ULK4: variants seen among roughly 807,000 people sequenced by gnomAD.
ULK4 encodes unc-51 like kinase 4.
Under a neutral mutation model 160.6 loss-of-function variants are expected in ULK4, and 133 were observed. That is an observed-to-expected ratio of 0.83 (90% CI 0.72 to 0.96). The LOEUF (loss-of-function observed/expected upper bound fraction) is 0.96, where lower values mean the gene tolerates loss of function less well. Among genes scored for constraint, ULK4 ranks in the 40% least tolerant of loss-of-function variants. The pLI, the probability that ULK4 is intolerant of heterozygous loss-of-function variation, is 0.00. For synonymous variants in ULK4, 534 were observed against 539.8 expected, an observed-to-expected ratio of 0.99 and a Z score of 0.15; for missense variants, 1,580 against 1,499.5, an observed-to-expected ratio of 1.05 and a Z score of -0.89.
At chr3:41,958,714 CA>C (rs201705820) in intron 1 of ULK4, among the ~76,000 whole-genome samples, 93 of 121,394 alleles carry the variant, frequency 7.7e-4, no homozygotes, top group Admixed American at 7.6e-4. Flanking sequence ...GAAACTGTCT[CA>C]AAAAAAAAAA....
At chr3:41,651,877 C>A (rs1301220625) in intron 30 of ULK4, among the ~76,000 whole-genome samples, 2 of 152,186 alleles carry the variant, frequency 1.3e-5, no homozygotes, top group Non-Finnish European at 2.9e-5. Flanking sequence ...CATAAGCATG[C>A]ACTGAGTGAC....
chr3:41,773,662 A>C (rs2039492854), intron 21 of ULK4, among the ~76,000 whole-genome samples: 1 of 152,190 alleles, frequency 6.6e-6, no homozygotes, highest in Non-Finnish European at 1.5e-5. Flanking sequence ...TAATTTATAA[A>C]TTCAATGCCA....
At chr3:41,680,323 ATTAAT>A (rs1170257404) in intron 29 of ULK4, among the ~76,000 whole-genome samples, 2 of 152,330 alleles carry the variant, frequency 1.3e-5, no homozygotes, top group Non-Finnish European at 2.9e-5. Context: ...TACAGTACAT[ATTAAT>A]TATCAGAGCT....
At chr3:41,473,750 T>TA (rs924452036) in intron 32 of ULK4, among the ~76,000 whole-genome samples, 24 of 149,868 alleles carry the variant, frequency 1.6e-4, no homozygotes, top group Non-Finnish European at 1.6e-4. Context: ...ACAATAGTTG[T>TA]AAAAAAATAC....
rs548140772 is a variant in ULK4, at chr3:41,658,646, T to A, written c.3071+4961A>T. ...AGGAGTGGCACAGATAGTATATGAA[T>A]TACATTTCAATAAAACTGTTAATTT... On this transcript the variant is annotated intron_variant, in intron 30 of 36. Coordinates refer to ENST00000301831, the MANE Select transcript of ULK4 (RefSeq NM_017886.4). Among the ~76,000 whole-genome samples, 3 of 152,058 alleles carry A rather than the reference T, an allele frequency of 2.0e-5. No homozygotes were observed. In the East Asian group the frequency reaches 5.8e-4, roughly 29 times the overall value.
chr3:41,470,763 T>C lies in ULK4; in HGVS notation c.3227-7510A>G, dbSNP rs142631636. ...AAAGCTGTATGCAAAGTTAAGAAGT[T>C]AGCAGCTTGAAACAGACTGTTATAA... On this transcript the variant is annotated intron_variant, in intron 32 of 36. Transcript: ENST00000301831. Among the ~76,000 whole-genome samples, 146 of 152,300 alleles carry C rather than the reference T, an allele frequency of 9.6e-4. 1 individual carries two copies. Among genetic ancestry groups the C allele is most frequent in the Non-Finnish European group, 4.1e-4 (28 of 68,010 alleles).
intron 21 of ULK4, among the ~76,000 whole-genome samples, chr3:41,772,837 C>A (rs550670353): frequency 5.3e-5 from 8 of 152,300 alleles, no homozygotes; most frequent in African/African-American, 1.4e-4. Context: ...TACTGACAAA[C>A]CAAATCCAGC....
intron 35 of ULK4, among the ~76,000 whole-genome samples, chr3:41,368,192 C>G (rs149631825): frequency 6.6e-6 from 1 of 151,868 alleles, no homozygotes; most frequent in African/African-American, 2.4e-5. Context: ...GCACTACAGG[C>G]GCCCACCACG....
At chr3:41,792,581 C>A (rs1466570928) in intron 20 of ULK4, among the ~76,000 whole-genome samples, 2 of 152,132 alleles carry the variant, frequency 1.3e-5, no homozygotes, top group Non-Finnish European at 2.9e-5. Context: ...AAATCCCTAT[C>A]CAGTTATGAT....
chr3:41,839,968 G>C (rs1046230258), intron 17 of ULK4, among the ~76,000 whole-genome samples: 2 of 152,172 alleles, frequency 1.3e-5, no homozygotes, highest in Non-Finnish European at 2.9e-5. Flanking sequence ...TTCATAGATA[G>C]GAAGACTCAA....
chr3:41,568,642 C>G (rs1280886300), intron 31 of ULK4, among the ~76,000 whole-genome samples: 1 of 152,216 alleles, frequency 6.6e-6, no homozygotes, highest in Non-Finnish European at 1.5e-5. Context: ...GAAAAACACA[C>G]ATAAACTCTT....
intron 5 of ULK4, among the ~76,000 whole-genome samples, chr3:41,922,511 C>T (rs567288607): frequency 5.1e-4 from 77 of 151,050 alleles, no homozygotes; most frequent in Non-Finnish European, 7.7e-4. Flanking sequence ...AAACAAGAAC[C>T]GAAAGAGTAA....
intron 35 of ULK4, among the ~76,000 whole-genome samples, chr3:41,343,740 C>A (rs934868365): frequency 6.6e-6 from 1 of 152,174 alleles, no homozygotes; most frequent in African/African-American, 2.4e-5. Context: ...TGAATGAACT[C>A]CCATTCACAA....
At chr3:41,491,765 T>A (rs1013834052) in intron 32 of ULK4, among the ~76,000 whole-genome samples, 4 of 142,398 alleles carry the variant, frequency 2.8e-5, no homozygotes, top group African/African-American at 2.6e-5. Flanking sequence ...AGTTTTAGGG[T>A]ACATGTGCAC....
At chr3:41,463,379 T>G in intron 32 of ULK4, 126 bp from the exon 33 acceptor site, 1 of 842,192 alleles carries the variant, frequency 1.2e-6, no homozygotes, top group East Asian at 2.7e-5. Context: ...AACTATACTC[T>G]TATCAGATTC....
chr3:41,420,475 C>CTTTTT (rs1165381982), intron 34 of ULK4, among the ~76,000 whole-genome samples: 1,049 of 41,208 alleles, frequency 0.025, 7 homozygotes, highest in Non-Finnish European at 0.029. Context: ...CCAGTTCTTT[C>CTTTTT]TTTTTTTTTT....
At chr3:41,928,615 A>C (rs1031632340) in intron 5 of ULK4, among the ~76,000 whole-genome samples, 6 of 151,798 alleles carry the variant, frequency 4.0e-5, no homozygotes, top group African/African-American at 1.4e-4. Flanking sequence ...CAAGACTAAC[A>C]AAGAAAAGAA....
At chr3:41,601,847 A>G (rs546323959) in intron 31 of ULK4, among the ~76,000 whole-genome samples, 1 of 152,242 alleles carries the variant, frequency 6.6e-6, no homozygotes, top group South Asian at 2.1e-4. Context: ...GACTAAGTAT[A>G]ATGTGGTGTT....
At chr3:41,841,678 G>T (rs140840524) in intron 17 of ULK4, among the ~76,000 whole-genome samples, 8,848 of 152,124 alleles carry the variant, frequency 0.058, 471 homozygotes, top group East Asian at 0.16. Flanking sequence ...TGATGACGAT[G>T]GCGGTTTTGT....
Sources: allele counts gnomAD v4.1 joint callset (sites outside exome capture counted in the v4.1 genomes callset), GRCh38; gene constraint gnomAD v4.1.1; transcripts MANE v1.5; gene names NCBI Gene and HGNC (gene_info 2026-07-23, HGNC 2026-07-21).